Variants in EPS15 observed in about 807,000 individuals in gnomAD.
The protein encoded by EPS15 is epidermal growth factor receptor pathway substrate 15.
EPS15 carries 72 observed loss-of-function variants against 113.8 expected under a neutral mutation model. The ratio of observed to expected loss-of-function variants is 0.63; its 90% confidence interval spans 0.52 to 0.77. EPS15 has a LOEUF of 0.77. Among genes scored for constraint, EPS15 ranks in the 30% least tolerant of loss-of-function variants. The probability of loss-of-function intolerance (pLI) is 0.00; values close to 1 mark genes in which losing one functional copy is unlikely to be tolerated. For synonymous variants in EPS15, 344 were observed against 363.4 expected (o/e 0.95, Z 0.61); for missense variants, 1,048 against 1,045.8 (o/e 1.00, Z -0.03).
chr1:51,476,068 G>A (rs1447456027), intron 2 of EPS15, among the ~76,000 whole-genome samples: 1 of 152,166 alleles, frequency 6.6e-6, no homozygotes, highest in Non-Finnish European at 1.5e-5. Flanking sequence ...GTCCCATGCT[G>A]TTTTGGTTAC....
chr1:51,473,883 A>G (rs572219046), intron 2 of EPS15, among the ~76,000 whole-genome samples: 5 of 152,338 alleles, frequency 3.3e-5, no homozygotes, highest in South Asian at 4.1e-4. Context: ...ACTCAGCAAA[A>G]AAGAAAAACA....
intron 1 of EPS15, among the ~76,000 whole-genome samples, chr1:51,509,251 A>AT (rs768904098): frequency 6.6e-6 from 1 of 151,098 alleles, no homozygotes; most frequent in Non-Finnish European, 1.5e-5. Flanking sequence ...ATAATTTCAT[A>AT]TTTTTTATAT....
intron 5 of EPS15, among the ~76,000 whole-genome samples, chr1:51,466,153 G>A (rs2148505432): frequency 6.7e-6 from 1 of 150,284 alleles, no homozygotes; most frequent in South Asian, 2.1e-4. Context: ...TGGATAAATA[G>A]ATCAATAGGT....
intron 1 of EPS15, among the ~76,000 whole-genome samples, chr1:51,500,974 A>C (rs1289071630): frequency 6.6e-6 from 1 of 151,154 alleles, no homozygotes; most frequent in Non-Finnish European, 1.5e-5. Flanking sequence ...ACAAGAGTAA[A>C]ACTCCATCTC....
chr1:51,465,385 GA>G, intron 5 of EPS15, 59 bp from the exon 6 acceptor site: 1 of 1,236,506 alleles, frequency 8.1e-7, no homozygotes, highest in Non-Finnish European at 1.2e-6. Context: ...AAGCAATGAA[GA>G]AAAAATGGTT....
At chr1:51,407,027 T>C (rs1189402115) in intron 15 of EPS15, among the ~76,000 whole-genome samples, 2 of 152,154 alleles carry the variant, frequency 1.3e-5, no homozygotes, top group African/African-American at 2.4e-5. Flanking sequence ...CTTCATTATA[T>C]GTAATAACTG....
intron 8 of EPS15, 26 bp from the exon 9 acceptor site, chr1:51,448,161 T>G: frequency 6.8e-7 from 1 of 1,479,246 alleles, no homozygotes; most frequent in Non-Finnish European, 9.4e-7. Flanking sequence ...ACCAGGGTCA[T>G]ATATATTAAA....
At chr1:51,502,899 G>C (rs944264864) in intron 1 of EPS15, among the ~76,000 whole-genome samples, 2 of 151,470 alleles carry the variant, frequency 1.3e-5, no homozygotes, top group African/African-American at 4.9e-5. Context: ...CCAACTACTC[G>C]GGAGGCTGAT....
At chr1:51,449,365 G>A (rs1008881260) in intron 8 of EPS15, among the ~76,000 whole-genome samples, 1 of 152,090 alleles carries the variant, frequency 6.6e-6, no homozygotes, top group Non-Finnish European at 1.5e-5. Flanking sequence ...ATATGTTCTT[G>A]CTTCTAAGTG....
At chr1:51,463,594 G>A in intron 7 of EPS15, 79 bp downstream of exon 7, 4 of 720,788 alleles carry the variant, frequency 5.5e-6, no homozygotes, top group South Asian at 2.7e-5. Flanking sequence ...TTTTAACAAA[G>A]AGTTATACAT....
At chr1:51,385,728 G>GA (rs1647050098) in intron 21 of EPS15, among the ~76,000 whole-genome samples, 1 of 152,100 alleles carries the variant, frequency 6.6e-6, no homozygotes, top group South Asian at 2.1e-4. Context: ...TCTGAAAAAG[G>GA]TAAAAAATTC....
chr1:51,483,568 G>A (rs1644062603), intron 1 of EPS15, among the ~76,000 whole-genome samples: 1 of 151,968 alleles, frequency 6.6e-6, no homozygotes, highest in Admixed American at 6.6e-5. Context: ...AGCACTTTGG[G>A]AGGCCAAGGT....
chr1:51,489,604 C>T (rs187941036), intron 1 of EPS15, among the ~76,000 whole-genome samples: 116 of 152,190 alleles, frequency 7.6e-4, no homozygotes, highest in Non-Finnish European at 1.3e-3. Context: ...AATTCCCAGT[C>T]GTCTGTTTCC....
chr1:51,458,603 G>T (rs1390693767), intron 8 of EPS15: 1 of 433,274 alleles, frequency 2.3e-6, no homozygotes, highest in East Asian at 8.0e-5. Flanking sequence ...CGGGGGTGGT[G>T]GTGCATGCCT....
At chr1:51,390,188 A>G (rs1288472442) in intron 21 of EPS15, among the ~76,000 whole-genome samples, 2 of 152,138 alleles carry the variant, frequency 1.3e-5, no homozygotes, top group Non-Finnish European at 2.9e-5. Context: ...GATCTTTGAC[A>G]AACCTGAGAA....
chr1:51,355,270 A>G lies in EPS15; in HGVS notation c.*1430T>C, dbSNP rs186245861. ...ATATTTTGGAATTTATTTATAGGCT[A>G]GGCAATAAGTTACTCAGATTAACAC... is the stretch of plus-strand genomic sequence containing the variant. On this transcript the variant is annotated 3_prime_UTR_variant, in exon 25 of 25. Coordinates refer to ENST00000371733, the MANE Select transcript of EPS15 (RefSeq NM_001981.3). 40 of 218,952 alleles carry G rather than the reference A, an allele frequency of 1.8e-4. No individual in the cohort carries two copies. The East Asian group carries it at 2.5e-3, about 14-fold the overall frequency. The allele number at this position is 218,952 out of a possible 1,614,324, so 13.6% of individuals were successfully genotyped here.
At position 51,391,236 on chromosome 1, in the gene EPS15, T is replaced by C. The variant is rs1429636223; in HGVS notation, c.2119+3145A>G. Among the ~76,000 whole-genome samples the C allele has an allele frequency of 3.9e-5, 6 of 152,020 alleles. No individual in the cohort carries two copies. In the East Asian group the frequency reaches 9.6e-4, roughly 24 times the overall value. On this transcript the variant is annotated intron_variant, in intron 21 of 24. Coordinates refer to ENST00000371733, the MANE Select transcript of EPS15 (RefSeq NM_001981.3). ...AGGACAAAAAACCAAACACCGCATG[T>C]TCTCACTCATAGGTGGGAATTGAAC...
intron 2 of EPS15, among the ~76,000 whole-genome samples, chr1:51,475,766 C>T (rs1655629702): frequency 6.6e-6 from 1 of 152,146 alleles, no homozygotes; most frequent in Admixed American, 6.5e-5. Flanking sequence ...TGCCTATGGC[C>T]TGAATGGTAT....
At chr1:51,366,090 A>G in intron 21 of EPS15, 61 bp from the exon 22 acceptor site, 1 of 1,158,856 alleles carries the variant, frequency 8.6e-7, no homozygotes, top group Non-Finnish European at 1.3e-6. Flanking sequence ...TTTTTGAGAC[A>G]GAGTCTCACT....
Sources: gnomAD v4.1 joint callset for allele counts (sites outside exome capture counted in the v4.1 genomes callset) on GRCh38, gnomAD v4.1.1 for gene constraint, MANE v1.5 for transcripts, NCBI Gene and HGNC (gene_info 2026-07-23, HGNC 2026-07-21) for gene names.